Variants in PRELID2 observed in about 807,000 individuals in gnomAD.
PRELID2 encodes the protein PRELI domain containing 2, also known as PRELI domain-containing protein 2.
A neutral mutation model predicts 28.4 loss-of-function variants in PRELID2; 25 were observed. The ratio of observed to expected loss-of-function variants is 0.88; its 90% CI spans 0.64 to 1.23. The LOEUF (loss-of-function observed/expected upper bound fraction) is 1.23. Ranked by LOEUF, PRELID2 falls within the 50% of genes most tolerant of loss-of-function variation. The pLI, the probability that PRELID2 is intolerant of heterozygous loss-of-function variation, is 0.00. For synonymous variants in PRELID2, 76 were observed against 71.6 expected (o/e 1.06, Z -0.31); for missense variants, 201 against 214.4 (o/e 0.94, Z 0.39).
intron 5 of PRELID2, among the ~76,000 whole-genome samples, chr5:145,788,104 C>A (rs1752123100): frequency 6.6e-6 from 1 of 152,152 alleles, no homozygotes; most frequent in South Asian, 2.1e-4. Context: ...CATGACTTGA[C>A]TCTGGCCTGG....
At chr5:145,422,513 T>C in the PRELID2 span, among the ~76,000 whole-genome samples, 4 of 152,172 alleles carry the variant, frequency 2.6e-5, no homozygotes, top group Non-Finnish European at 5.9e-5. Context: ...CTTTTGATCT[T>C]TGTTGGTTTA....
chr5:145,280,773 C>A, the PRELID2 span, among the ~76,000 whole-genome samples: 1,820 of 148,698 alleles, frequency 0.012, 46 homozygotes, highest in African/African-American at 0.044. Context: ...CTTGTGGAAC[C>A]TTTTAGTAAT....
At chr5:145,558,054 C>T (rs1342747496) in intron 1 of PRELID2, among the ~76,000 whole-genome samples, 1 of 152,148 alleles carries the variant, frequency 6.6e-6, no homozygotes, top group Non-Finnish European at 1.5e-5. Context: ...ATTTAATGAG[C>T]ACTAAGTCAT....
chr5:145,428,503 A>C, the PRELID2 span, among the ~76,000 whole-genome samples: 2,383 of 152,242 alleles, frequency 0.016, 52 homozygotes, highest in African/African-American at 0.054. Context: ...ACAACAGGTA[A>C]ATATAGAATA....
chr5:145,298,879 A>C, the PRELID2 span, among the ~76,000 whole-genome samples: 1 of 152,306 alleles, frequency 6.6e-6, no homozygotes, highest in Admixed American at 6.5e-5. Context: ...TTCCTTTCAT[A>C]TATTTACATT....
At chr5:145,796,310 T>C (rs1255721549) in intron 5 of PRELID2, 132 bp downstream of exon 5, 7 of 480,404 alleles carry the variant, frequency 1.5e-5, no homozygotes, top group Non-Finnish European at 2.5e-5. Flanking sequence ...AGGTTGATTA[T>C]TTTTGCATAT....
chr5:145,697,176 T>G (rs560179215), intron 1 of PRELID2, among the ~76,000 whole-genome samples: 1 of 149,954 alleles, frequency 6.7e-6, no homozygotes, highest in East Asian at 2.0e-4. Context: ...TGATCAATAA[T>G]ATAAGACATA....
chr5:145,650,394 C>A (rs1427244148), intron 1 of PRELID2, among the ~76,000 whole-genome samples: 1 of 151,630 alleles, frequency 6.6e-6, no homozygotes, highest in African/African-American at 2.4e-5. Flanking sequence ...TTCCTTCATC[C>A]AGAATTTTTA....
the PRELID2 span, among the ~76,000 whole-genome samples, chr5:145,383,151 A>G: frequency 6.6e-6 from 1 of 151,562 alleles, no homozygotes; most frequent in South Asian, 2.1e-4. Context: ...GTGGGAAAAA[A>G]AAGCAAACCC....
At chr5:145,536,812 C>T (rs983665744) in intron 1 of PRELID2, among the ~76,000 whole-genome samples, 2 of 151,714 alleles carry the variant, frequency 1.3e-5, no homozygotes, top group Non-Finnish European at 2.9e-5. Context: ...ATTTGTTATA[C>T]TTTGTATGTC....
chr5:145,781,650 T>G (rs1581190539), intron 5 of PRELID2, among the ~76,000 whole-genome samples: 1 of 136,970 alleles, frequency 7.3e-6, no homozygotes, highest in African/African-American at 2.9e-5. Context: ...ATATATATAC[T>G]ATATATACAC....
chr5:145,290,494 G>A, the PRELID2 span, among the ~76,000 whole-genome samples: 343 of 151,394 alleles, frequency 2.3e-3, no homozygotes, highest in Non-Finnish European at 3.5e-3. Flanking sequence ...GCAAACTATC[G>A]CAAGGACAGA....
At chr5:145,271,023 GT>G in the PRELID2 span, among the ~76,000 whole-genome samples, 2 of 152,238 alleles carry the variant, frequency 1.3e-5, no homozygotes, top group South Asian at 4.1e-4. Context: ...AGAGAGAAGA[GT>G]GAGGAGCAAA....
chr5:145,577,287 C>G (rs923861961), intron 1 of PRELID2, among the ~76,000 whole-genome samples: 2 of 152,032 alleles, frequency 1.3e-5, no homozygotes, highest in African/African-American at 4.8e-5. Context: ...AACTACCTAG[C>G]AAATAATTCA....
the PRELID2 span, among the ~76,000 whole-genome samples, chr5:145,384,857 G>A: frequency 6.6e-5 from 10 of 152,220 alleles, no homozygotes; most frequent in African/African-American, 2.4e-4. Flanking sequence ...AGCACCAACG[G>A]TATGGTTGTA....
At chr5:145,521,331 A>T (rs562196994) in intron 1 of PRELID2, among the ~76,000 whole-genome samples, 63 of 152,290 alleles carry the variant, frequency 4.1e-4, no homozygotes, top group African/African-American at 1.4e-3. Flanking sequence ...ATTGCCTGTC[A>T]CATGGTTACT....
the PRELID2 span, among the ~76,000 whole-genome samples, chr5:145,396,482 G>C: frequency 7.9e-6 from 1 of 127,320 alleles, no homozygotes; most frequent in Non-Finnish European, 1.6e-5. Flanking sequence ...ATTTTTCACA[G>C]ATTGTAAAAA....
the PRELID2 span, among the ~76,000 whole-genome samples, chr5:145,308,764 G>A: frequency 3.3e-5 from 5 of 152,122 alleles, no homozygotes; most frequent in Non-Finnish European, 7.3e-5. Flanking sequence ...GCAATGAATG[G>A]CAACAAAGAA....
At chr5:145,579,170 TGAAG>T (rs1753086767) in intron 1 of PRELID2, among the ~76,000 whole-genome samples, 1 of 152,096 alleles carries the variant, frequency 6.6e-6, no homozygotes, top group African/African-American at 2.4e-5. Flanking sequence ...GGGAACATTA[TGAAG>T]AGTGTGAAAA....
Sources: allele counts gnomAD v4.1 joint callset (sites outside exome capture counted in the v4.1 genomes callset), GRCh38; gene constraint gnomAD v4.1.1; transcripts MANE v1.5; gene names NCBI Gene and HGNC (gene_info 2026-07-23, HGNC 2026-07-21).